SYTL2: variants seen among roughly 807,000 people sequenced by gnomAD.
SYTL2 encodes synaptotagmin like 2.
In SYTL2, 165 loss-of-function variants were observed where a neutral mutation model predicts 198.7. The ratio of observed to expected loss-of-function variants is 0.83; its 90% CI spans 0.73 to 0.94. The LOEUF is 0.94. SYTL2 is among the 40% of genes least tolerant of loss of function. The pLI is 0.00. For synonymous variants in SYTL2, 966 were observed against 917.7 expected, an observed-to-expected ratio of 1.05 and a Z score of -0.95; for missense variants, 2,835 against 2,582.8, an observed-to-expected ratio of 1.10 and a Z score of -2.12.
intron 1 of SYTL2, among the ~76,000 whole-genome samples, chr11:85,759,431 G>A (rs2092026785): frequency 6.6e-6 from 1 of 152,170 alleles, no homozygotes; most frequent in South Asian, 2.1e-4. Context: ...CTGTGAAGCT[G>A]TTTTCTCATT....
intron 1 of SYTL2, among the ~76,000 whole-genome samples, chr11:85,782,163 A>G (rs1592012635): frequency 6.6e-6 from 1 of 152,222 alleles, no homozygotes; most frequent in East Asian, 1.9e-4. Flanking sequence ...GACGTTCCCA[A>G]ACGTCAATTC....
intron 1 of SYTL2, among the ~76,000 whole-genome samples, chr11:85,759,670 G>A (rs546148379): frequency 1.3e-5 from 2 of 151,988 alleles, no homozygotes; most frequent in Non-Finnish European, 2.9e-5. Context: ...TGAAGTTTGG[G>A]CTTCATTGAC....
chr11:85,771,359 TA>T (rs2092352128), intron 1 of SYTL2, among the ~76,000 whole-genome samples: 1 of 152,212 alleles, frequency 6.6e-6, no homozygotes, highest in South Asian at 2.1e-4. Flanking sequence ...TTAATTAACG[TA>T]AATGAATGTA....
At chr11:85,737,813 A>G (rs1184733012) in intron 4 of SYTL2, among the ~76,000 whole-genome samples, 157 bp from the exon 5 acceptor site, 2 of 152,234 alleles carry the variant, frequency 1.3e-5, no homozygotes, top group Admixed American at 1.3e-4. Context: ...TCCCAGGGAC[A>G]GGACAGCACC....
At chr11:85,824,583 C>A in the SYTL2 span, among the ~76,000 whole-genome samples, 1 of 152,106 alleles carries the variant, frequency 6.6e-6, no homozygotes. Context: ...TGAGAACTGG[C>A]AATTATACAT....
chr11:85,735,689 G>C (rs188737834), intron 6 of SYTL2, among the ~76,000 whole-genome samples: 1 of 151,848 alleles, frequency 6.6e-6, no homozygotes, highest in Admixed American at 6.6e-5. Context: ...CCCGGGAGGC[G>C]AAGGGTGCAG....
intron 1 of SYTL2, among the ~76,000 whole-genome samples, chr11:85,802,224 T>TC (rs202119524): frequency 6.1e-5 from 9 of 147,236 alleles, no homozygotes; most frequent in East Asian, 3.9e-4. Context: ...TCTTTTCTTT[T>TC]TTTTTTTTTT....
chr11:85,733,284 A>C (rs1469975851), intron 7 of SYTL2, among the ~76,000 whole-genome samples: 1 of 152,206 alleles, frequency 6.6e-6, no homozygotes, highest in Non-Finnish European at 1.5e-5. Context: ...ACCCTGTACA[A>C]AGGTATTAGC....
In SYTL2 at chr11:85,720,794, G is replaced by C. The variant is rs1591718971; in HGVS notation, c.5428+64C>G. ...ACAACAGCACGCAGTGAGGCTACAG[G>C]AGAGCACATAGGCATTTTTAAGCTT... On this transcript the variant is annotated intron_variant, in intron 9 of 19. Transcript: ENST00000359152. 24 of 1,128,196 alleles carry C rather than the reference G, an allele frequency of 2.1e-5. No individual in the cohort carries two copies. In the East Asian group the frequency reaches 5.6e-4, roughly 26 times the overall value. 69.9% of individuals were successfully genotyped at this position (1,128,196 alleles called of 1,614,324 possible).
chr11:85,836,930 C>T, the SYTL2 span, among the ~76,000 whole-genome samples: 3 of 152,158 alleles, frequency 2.0e-5, no homozygotes, highest in Non-Finnish European at 4.4e-5. Context: ...TTTTAACCCT[C>T]AGAAATGACT....
the SYTL2 span, among the ~76,000 whole-genome samples, chr11:85,833,098 A>AGAAAGAAAGAAAGAAAGAAG: frequency 6.1e-5 from 2 of 32,530 alleles, no homozygotes; most frequent in East Asian, 8.0e-4. Context: ...AAAGAAAGAA[A>AGAAAGAAAGAAAGAAAGAAG]GAAGGAAGGA....
At chr11:85,823,627 T>G in the SYTL2 span, among the ~76,000 whole-genome samples, 1,159 of 152,354 alleles carry the variant, frequency 7.6e-3, 18 homozygotes, top group African/African-American at 0.026. Flanking sequence ...CTATCAATAC[T>G]ACTAAGTATC....
chr11:85,792,898 G>A (rs568022332), intron 1 of SYTL2, among the ~76,000 whole-genome samples: 8 of 151,742 alleles, frequency 5.3e-5, no homozygotes, highest in Admixed American at 1.3e-4. Context: ...TTGTTCTTGC[G>A]ATAGTTTACT....
chr11:85,710,931 T>C (rs1013388456), intron 13 of SYTL2, among the ~76,000 whole-genome samples, 182 bp downstream of exon 13: 3 of 152,086 alleles, frequency 2.0e-5, no homozygotes, highest in Non-Finnish European at 4.4e-5. Flanking sequence ...ATGATGGATA[T>C]GAACCCCGTT....
chr11:85,747,457 AT>A (rs2091231884), intron 3 of SYTL2, among the ~76,000 whole-genome samples: 1 of 152,170 alleles, frequency 6.6e-6, no homozygotes, highest in Admixed American at 6.5e-5. Flanking sequence ...AATCCCATCA[AT>A]TCAGTAGATG....
the SYTL2 span, chr11:85,852,697 GT>G: frequency 2.3e-5 from 5 of 215,446 alleles, no homozygotes; most frequent in Admixed American, 2.4e-4. Context: ...CCAGGCTGGA[GT>G]GCAGTGGCAT....
chr11:85,762,944 G>A (rs1270909822), intron 1 of SYTL2, among the ~76,000 whole-genome samples: 1 of 149,046 alleles, frequency 6.7e-6, no homozygotes, highest in South Asian at 2.1e-4. Context: ...GCACTCAAGT[G>A]TTCATGAAAA....
rs761891381 is a variant in SYTL2 at position 85,718,782 on chromosome 11, A to G, written c.5482+8T>C. ...AAGACAGACACGCAAATACATAAAGATATTTACCATCTTCAGCACTACGCA... is the reference window on the plus strand; with the variant it reads ...AAGACAGACACGCAAATACATAAAGGTATTTACCATCTTCAGCACTACGCA... On this transcript the variant is annotated splice_region_variant and intron_variant, in intron 10 of 19. Coordinates refer to ENST00000359152, the MANE Select transcript of SYTL2 (RefSeq NM_206927.4). 8.7e-6 allele frequency: 14 copies of G among 1,612,488 alleles called. No homozygotes were observed. The South Asian group carries it at 1.5e-4, about 18-fold the overall frequency.
chr11:85,830,740 C>T, the SYTL2 span, among the ~76,000 whole-genome samples: 67 of 152,312 alleles, frequency 4.4e-4, 1 homozygote, highest in African/African-American at 1.5e-3. Flanking sequence ...CTTCCTTCAG[C>T]GTCCTTACAG....
Sources: allele counts gnomAD v4.1 joint callset (sites outside exome capture counted in the v4.1 genomes callset), GRCh38; gene constraint gnomAD v4.1.1; transcripts MANE v1.5; gene names NCBI Gene and HGNC (gene_info 2026-07-23, HGNC 2026-07-21).